The following NEO1 variants were observed in gnomAD, a reference collection of about 807,000 sequenced individuals.
The protein encoded by NEO1 is neogenin.
NEO1 carries 63 observed loss-of-function variants against 159.7 expected under a neutral mutation model. The observed-to-expected ratio is 0.39, with a 90% confidence interval of 0.32 to 0.49. NEO1 has a LOEUF of 0.49. NEO1 is among the 20% of genes least tolerant of loss of function. The probability of loss-of-function intolerance (pLI) is 0.85; values close to 1 mark genes in which losing one functional copy is unlikely to be tolerated. For synonymous variants in NEO1, 633 were observed against 662.0 expected, an observed-to-expected ratio of 0.96 and a Z score of 0.67; for missense variants, 1,615 against 1,831.0, an observed-to-expected ratio of 0.88 and a Z score of 2.15.
intron 1 of NEO1, among the ~76,000 whole-genome samples, chr15:73,088,327 A>G (rs1395923942): frequency 6.6e-6 from 1 of 152,048 alleles, no homozygotes; most frequent in Non-Finnish European, 1.5e-5. Flanking sequence ...GCAAAAATGC[A>G]GAGAGTTGTT....
intron 1 of NEO1, among the ~76,000 whole-genome samples, chr15:73,060,147 A>G (rs996436970): frequency 1.3e-5 from 2 of 152,240 alleles, no homozygotes; most frequent in South Asian, 4.1e-4. Flanking sequence ...TTTCATTCAT[A>G]ATTTTTTAAT....
At chr15:73,076,382 A>T (rs2068766893) in intron 1 of NEO1, among the ~76,000 whole-genome samples, 1 of 152,170 alleles carries the variant, frequency 6.6e-6, no homozygotes, top group Non-Finnish European at 1.5e-5. Context: ...TTACGATCTG[A>T]TTGGAGACTG....
chr15:73,133,830 G>A (rs2031430862), intron 4 of NEO1, among the ~76,000 whole-genome samples: 1 of 151,950 alleles, frequency 6.6e-6, no homozygotes, highest in African/African-American at 2.4e-5. Context: ...ATTTCTCCCA[G>A]CCTTTTTTTA....
At chr15:73,135,729 CTAAAT>C (rs2031677535) in intron 4 of NEO1, among the ~76,000 whole-genome samples, 157 bp from the exon 5 acceptor site, 1 of 152,034 alleles carries the variant, frequency 6.6e-6, no homozygotes, top group Non-Finnish European at 1.5e-5. Flanking sequence ...GCAAATTGGA[CTAAAT>C]TAAATTCTGG....
At chr15:73,155,595 C>G (rs913411387) in intron 5 of NEO1, among the ~76,000 whole-genome samples, 1 of 152,136 alleles carries the variant, frequency 6.6e-6, no homozygotes, top group Non-Finnish European at 1.5e-5. Flanking sequence ...CAGGAATACC[C>G]GTAATTCACA....
intron 7 of NEO1, among the ~76,000 whole-genome samples, chr15:73,208,016 G>T (rs1426730586): frequency 6.6e-6 from 1 of 152,124 alleles, no homozygotes; most frequent in Non-Finnish European, 1.5e-5. Flanking sequence ...GGAGATTCAG[G>T]ATATTTGGGA....
At chr15:73,216,609 T>C (rs1224520128) in intron 7 of NEO1, among the ~76,000 whole-genome samples, 1 of 152,212 alleles carries the variant, frequency 6.6e-6, no homozygotes, top group African/African-American at 2.4e-5. Flanking sequence ...TTCCTGACTT[T>C]TTAATGATTG....
chr15:73,172,557 G>A (rs745375418), intron 5 of NEO1, among the ~76,000 whole-genome samples: 9 of 152,184 alleles, frequency 5.9e-5, no homozygotes, highest in Non-Finnish European at 8.8e-5. Flanking sequence ...AAAATGTCCA[G>A]TGGTAGAACC....
chr15:73,216,945 T>G (rs534005159), intron 7 of NEO1, among the ~76,000 whole-genome samples: 3,244 of 151,408 alleles, frequency 0.021, 126 homozygotes, highest in African/African-American at 0.075. Flanking sequence ...TAGATCCCAT[T>G]TGTCAATTTT....
Position 73,254,783 on chromosome 15 carries a change from C to A in NEO1, c.2046C>A (p.Val682=), listed in dbSNP as rs775653114. ...GAAAGGCCTCCCGAAAGAGTGATGT[C>A]ACTGAGACCTTGGTAAGCGGGACAC... is the stretch of plus-strand genomic sequence containing the variant. ...RYRKASRKSD[V]TETLVSGTQL... Residue 682 remains valine, a synonymous_variant, in exon 13 of 29, where the codon GTC becomes GTA. Coordinates refer to ENST00000261908, the MANE Select transcript of NEO1 (RefSeq NM_002499.4). 1 of 1,614,086 alleles carries A rather than the reference C, an allele frequency of 6.2e-7. No homozygotes were observed. The highest frequency in any genetic ancestry group is 8.5e-7 in the Non-Finnish European group (1 of 1,179,980).
intron 22 of NEO1, among the ~76,000 whole-genome samples, chr15:73,280,496 C>T (rs1043602477): frequency 6.6e-6 from 1 of 152,112 alleles, no homozygotes; most frequent in Non-Finnish European, 1.5e-5. Context: ...CCTCTGCCTG[C>T]CTCCCATACT....
intron 22 of NEO1, among the ~76,000 whole-genome samples, chr15:73,279,399 A>C (rs1179394323): frequency 7.7e-6 from 1 of 130,200 alleles, no homozygotes; most frequent in African/African-American, 2.8e-5. Context: ...CCCAGGCTGG[A>C]GTGCAGTGGC....
Position 73,293,563 on chromosome 15 carries a change from T to A in NEO1, c.3901+15T>A. ...CAATTCCACAGGTGAGAGATGAGGATCAAGCCCAGATGGAAACCATTCCAA... is the reference window on the plus strand; with the variant it reads ...CAATTCCACAGGTGAGAGATGAGGAACAAGCCCAGATGGAAACCATTCCAA... On this transcript the variant is annotated intron_variant, in intron 26 of 28. Coordinates refer to ENST00000261908, the MANE Select transcript of NEO1 (RefSeq NM_002499.4). The A allele has an allele frequency of 1.9e-6, 3 of 1,610,780 alleles. No homozygotes were observed.
At position 73,156,484 on chromosome 15, in the gene NEO1, G is replaced by A. The variant is rs918299663; in HGVS notation, c.1016-19919G>A. ...TGTTGTAGTAGAGGTAGACCATGCAGGTGAGCAGACTCTTGACCTACTGGG... is the reference window on the plus strand; with the variant it reads ...TGTTGTAGTAGAGGTAGACCATGCAAGTGAGCAGACTCTTGACCTACTGGG... On this transcript the variant is annotated intron_variant, in intron 5 of 28. Transcript: ENST00000261908. Among the ~76,000 whole-genome samples the A allele has an allele frequency of 7.2e-5, 11 of 152,308 alleles. No individual in the cohort carries two copies. The East Asian group carries it at 1.9e-3, about 27-fold the overall frequency.
At chr15:73,144,293 G>A (rs1006632697) in intron 5 of NEO1, among the ~76,000 whole-genome samples, 1 of 151,894 alleles carries the variant, frequency 6.6e-6, no homozygotes. Context: ...TTGACCTTTT[G>A]ATACCTTCCA....
chr15:73,219,936 A>G (rs1361622106), intron 7 of NEO1, among the ~76,000 whole-genome samples: 1 of 151,204 alleles, frequency 6.6e-6, no homozygotes, highest in Non-Finnish European at 1.5e-5. Flanking sequence ...TAAAGTTAAT[A>G]TTGTTATGTG....
chr15:73,061,770 T>C (rs2067990700), intron 1 of NEO1, among the ~76,000 whole-genome samples: 1 of 152,198 alleles, frequency 6.6e-6, no homozygotes, highest in African/African-American at 2.4e-5. Context: ...ACTTAAAATA[T>C]CTGGTACATA....
At chr15:73,279,402 G>T (rs2151078228) in intron 22 of NEO1, among the ~76,000 whole-genome samples, 1 of 140,026 alleles carries the variant, frequency 7.1e-6, no homozygotes, top group African/African-American at 2.6e-5. Context: ...AGGCTGGAGT[G>T]CAGTGGCATG....
intron 5 of NEO1, among the ~76,000 whole-genome samples, chr15:73,148,753 C>T (rs1049767255): frequency 6.6e-6 from 1 of 152,064 alleles, no homozygotes; most frequent in Non-Finnish European, 1.5e-5. Flanking sequence ...AATTATTCTA[C>T]TTTTTCCCAG....
Sources: gnomAD v4.1 joint callset for allele counts (sites outside exome capture counted in the v4.1 genomes callset) on GRCh38, gnomAD v4.1.1 for gene constraint, MANE v1.5 for transcripts, NCBI Gene and HGNC (gene_info 2026-07-23, HGNC 2026-07-21) for gene names.